USP6NL: variants seen among roughly 807,000 people sequenced by gnomAD.
The protein encoded by USP6NL is USP6 N-terminal-like protein.
Under a neutral mutation model 61.9 loss-of-function variants are expected in USP6NL, and 26 were observed. That is an observed-to-expected ratio of 0.42 (90% confidence interval 0.31 to 0.58). The LOEUF (loss-of-function observed/expected upper bound fraction) is 0.58. Among genes scored for constraint, USP6NL ranks in the 20% least tolerant of loss-of-function variants. The pLI, the probability that USP6NL is intolerant of heterozygous loss-of-function variation, is 0.16. For synonymous variants in USP6NL, 432 were observed against 390.1 expected, an observed-to-expected ratio of 1.11 and a Z score of -1.27; for missense variants, 1,114 against 1,034.3, an observed-to-expected ratio of 1.08 and a Z score of -1.06.
intron 14 of USP6NL, among the ~76,000 whole-genome samples, chr10:11,475,044 A>G (rs1832910414): frequency 6.6e-6 from 1 of 152,212 alleles, no homozygotes; most frequent in Non-Finnish European, 1.5e-5. Flanking sequence ...TAAACTATAA[A>G]TCTGGCTAAA....
Position 11,597,310 on chromosome 10 carries a change from C to G in USP6NL, c.4+321G>C, listed in dbSNP as rs1389632573. 6.6e-6 allele frequency among the ~76,000 whole-genome samples: 1 copy of G among 152,094 alleles called. No homozygotes were observed. The highest frequency in any genetic ancestry group is 1.5e-5 in the Non-Finnish European group (1 of 68,022). ...TAAAATCTCTACTAATTATGGTCAA[C>G]TGCAATGTTCCCTATTCATATTTCT... On this transcript the variant is annotated intron_variant, in intron 2 of 14. Transcript: ENST00000609104. The surrounding 1 kb of genome is among the most constrained non-coding windows in gnomAD (Gnocchi z 4.6).
intron 2 of USP6NL, among the ~76,000 whole-genome samples, chr10:11,542,212 C>T (rs1038950595): frequency 1.3e-5 from 2 of 152,200 alleles, no homozygotes; most frequent in Non-Finnish European, 2.9e-5. Flanking sequence ...ACTGCCACTG[C>T]ACCTAGCTAT....
In USP6NL at chr10:11,545,841, T is replaced by G. The variant is rs533749047; in HGVS notation, c.5-18274A>C. On this transcript the variant is annotated intron_variant, in intron 2 of 14. Coordinates refer to ENST00000609104, the MANE Select transcript of USP6NL (RefSeq NM_014688.5). ...TAGAGGGTATCTTCTCCTGTGAACT[T>G]GTATTTGCATATGACACTGATCTTG... Among the ~76,000 whole-genome samples, 3 of 148,856 alleles carry G rather than the reference T, an allele frequency of 2.0e-5. No individual in the cohort carries two copies. The South Asian group carries it at 6.3e-4, about 31-fold the overall frequency.
Position 11,561,150 on chromosome 10 carries a change from C to T in USP6NL, c.5-33583G>A, listed in dbSNP as rs1836916895. On this transcript the variant is annotated intron_variant, in intron 2 of 14. Coordinates refer to ENST00000609104, the MANE Select transcript of USP6NL (RefSeq NM_014688.5). The surrounding 1 kb of genome is among the most constrained non-coding windows in gnomAD (Gnocchi z 4.1). ...AAATTACATTTTAAGTAGTTTCATCCAGAATAGCTAAAATATGTTTGTGCT... is the reference window on the plus strand; with the variant it reads ...AAATTACATTTTAAGTAGTTTCATCTAGAATAGCTAAAATATGTTTGTGCT... Among the ~76,000 whole-genome samples the T allele has an allele frequency of 6.6e-6, 1 of 152,050 alleles. No individual in the cohort carries two copies. Among genetic ancestry groups the T allele is most frequent in the South Asian group, 2.1e-4 (1 of 4,830 alleles).
rs1320490859 is a variant in USP6NL, at chr10:11,528,889, A to C, written c.5-1322T>G. Among the ~76,000 whole-genome samples the C allele has an allele frequency of 6.6e-6, 1 of 152,190 alleles. No individual in the cohort carries two copies. Among genetic ancestry groups the C allele is most frequent in the Non-Finnish European group, 1.5e-5 (1 of 68,034 alleles). On this transcript the variant is annotated intron_variant, in intron 2 of 14. Coordinates refer to ENST00000609104, the MANE Select transcript of USP6NL (RefSeq NM_014688.5). The surrounding 1 kb of genome is among the most constrained non-coding windows in gnomAD (Gnocchi z 4.6). The stretch of plus-strand genomic sequence containing the variant: ...GAAGGGACATGCATGTGTGTAGCAG[A>C]GCCGGGTGCAGGGTGGAAAACCAAA...
chr10:11,581,082 T>C (rs773092729), intron 2 of USP6NL, among the ~76,000 whole-genome samples: 2 of 152,212 alleles, frequency 1.3e-5, no homozygotes, highest in Non-Finnish European at 2.9e-5. Context: ...AATAGGTCTC[T>C]ATTTTCTTCT....
At chr10:11,584,418 C>T (rs1837897583) in intron 2 of USP6NL, among the ~76,000 whole-genome samples, 1 of 152,120 alleles carries the variant, frequency 6.6e-6, no homozygotes, top group Admixed American at 6.5e-5. Context: ...GTAGAGATTC[C>T]CCCAGTATGA....
intron 14 of USP6NL, among the ~76,000 whole-genome samples, chr10:11,471,110 A>G (rs1231101642): frequency 4.6e-5 from 7 of 152,120 alleles, no homozygotes; most frequent in Non-Finnish European, 1.0e-4. Context: ...GCGTGAACCC[A>G]GGAGGCGGAG....
intron 7 of USP6NL, among the ~76,000 whole-genome samples, chr10:11,500,428 C>T (rs1386689814): frequency 2.6e-5 from 4 of 151,536 alleles, no homozygotes; most frequent in Non-Finnish European, 5.9e-5. Context: ...GAACATATTT[C>T]AAAATCTATG....
Position 11,487,467 on chromosome 10 carries a change from T to C in USP6NL, c.665-1556A>G, listed in dbSNP as rs1056602130. Among the ~76,000 whole-genome samples the C allele has an allele frequency of 6.6e-6, 1 of 152,206 alleles. No individual in the cohort carries two copies. Among genetic ancestry groups the C allele is most frequent in the African/African-American group, 2.4e-5 (1 of 41,446 alleles). Reference sequence around the variant, plus strand: ...TAATTGCTGAAGGTAAGCTATCAAATAGGTTTAAAAGAAATGACCACTTCC... The same window carrying C: ...TAATTGCTGAAGGTAAGCTATCAAACAGGTTTAAAAGAAATGACCACTTCC... On this transcript the variant is annotated intron_variant, in intron 10 of 14. Transcript: ENST00000609104. The surrounding 1 kb of genome is among the most constrained non-coding windows in gnomAD (Gnocchi z 4.2).
At position 11,602,699 on chromosome 10, in the gene USP6NL, G is replaced by A. The variant is rs940054882; in HGVS notation, c.-83-4982C>T. On this transcript the variant is annotated intron_variant, in intron 1 of 14. Transcript: ENST00000609104. The surrounding 1 kb of genome is among the most constrained non-coding windows in gnomAD (Gnocchi z 4.8). ...TTTGAGCACTGACGTGACACTCAAA[G>A]GAAACGCTCATTAGGGCACTTTGGA... Among the ~76,000 whole-genome samples the A allele has an allele frequency of 3.9e-5, 6 of 152,146 alleles. No individual in the cohort carries two copies. Among genetic ancestry groups the A allele is most frequent in the African/African-American group, 1.4e-4 (6 of 41,428 alleles).
chr10:11,469,368 C>T lies in USP6NL; in HGVS notation c.1079-5519G>A, dbSNP rs553824884. On this transcript the variant is annotated intron_variant, in intron 14 of 14. Coordinates refer to ENST00000609104, the MANE Select transcript of USP6NL (RefSeq NM_014688.5). The stretch of plus-strand genomic sequence containing the variant: ...ATGAGTTAGAGTAATGACACACTGT[C>T]CATATACACAGGCAGAAACCTGAGG... 6.6e-5 allele frequency among the ~76,000 whole-genome samples: 10 copies of T among 152,242 alleles called. No individual in the cohort carries two copies. The South Asian group carries it at 1.7e-3, about 25-fold the overall frequency.
chr10:11,567,603 T>C (rs1837210587), intron 2 of USP6NL, among the ~76,000 whole-genome samples: 1 of 152,206 alleles, frequency 6.6e-6, no homozygotes, highest in African/African-American at 2.4e-5. Flanking sequence ...ATCACTATAT[T>C]GAAACAGACT....
chr10:11,477,614 C>G (rs1435817890), intron 14 of USP6NL, among the ~76,000 whole-genome samples: 1 of 152,110 alleles, frequency 6.6e-6, no homozygotes, highest in East Asian at 1.9e-4. Flanking sequence ...ATTATGAGGA[C>G]AGTATAACCT....
intron 2 of USP6NL, among the ~76,000 whole-genome samples, chr10:11,541,648 C>T (rs760990289): frequency 3.9e-5 from 6 of 152,020 alleles, no homozygotes; most frequent in South Asian, 2.1e-4. Flanking sequence ...AATAGAAAGC[C>T]GTAAGTGTTT....
At position 11,587,404 on chromosome 10, in the gene USP6NL, C is replaced by A. The variant is rs754426; in HGVS notation, c.4+10227G>T. On this transcript the variant is annotated intron_variant, in intron 2 of 14. Coordinates refer to ENST00000609104, the MANE Select transcript of USP6NL (RefSeq NM_014688.5). This position sits in a 1 kb window ranked among gnomAD's most constrained non-coding sequence, Gnocchi z 4.5. ...AAGTTAATCTTCTAGCTTTCACTAT[C>A]CCTTGCAATTATTAAACTTTTAACA... Among the ~76,000 whole-genome samples, 129,624 of 152,072 alleles carry A rather than the reference C, an allele frequency of 0.85. 56,041 individuals carry two copies. Among genetic ancestry groups the A allele is most frequent in the Middle Eastern group, 0.94 (276 of 294 alleles).
intron 2 of USP6NL, chr10:11,563,169 A>G (rs1366437617): frequency 2.6e-5 from 4 of 152,176 alleles, no homozygotes; most frequent in Non-Finnish European, 5.9e-5. Context: ...AGTTTTAAAA[A>G]ATCCCCAAAG....
At chr10:11,557,809 C>T (rs1359254698) in intron 2 of USP6NL, among the ~76,000 whole-genome samples, 1 of 152,158 alleles carries the variant, frequency 6.6e-6, no homozygotes, top group Non-Finnish European at 1.5e-5. Flanking sequence ...AGGTAGAATA[C>T]ATGGGTTCAG....
chr10:11,488,049 T>C (rs1414010449), intron 10 of USP6NL, among the ~76,000 whole-genome samples: 1 of 152,250 alleles, frequency 6.6e-6, no homozygotes, highest in Admixed American at 6.5e-5. Flanking sequence ...TAAAATCATT[T>C]AAATTTGATG....
Sources: gnomAD v4.1 joint callset for allele counts (sites outside exome capture counted in the v4.1 genomes callset) on GRCh38, gnomAD v4.1.1 for gene constraint, Gnocchi (gnomAD v3.1) non-coding constraint, MANE v1.5 for transcripts, NCBI Gene and HGNC (gene_info 2026-07-23, HGNC 2026-07-21) for gene names.